IPP: variants seen among roughly 807,000 people sequenced by gnomAD.
IPP encodes actin-binding protein IPP.
IPP carries 41 observed loss-of-function variants against 64.1 expected under a neutral mutation model. The observed-to-expected ratio is 0.64, with a 90% confidence interval of 0.50 to 0.83. The LOEUF is 0.83. Ranked by LOEUF, IPP falls within the 40% of genes least tolerant of loss-of-function variation. The pLI is 0.00. For synonymous variants in IPP, 214 were observed against 235.2 expected (o/e 0.91, Z 0.83); for missense variants, 649 against 703.0 (o/e 0.92, Z 0.87).
chr1:45,714,147 A>C, intron 8 of IPP, 99 bp downstream of exon 8: 1 of 842,218 alleles, frequency 1.2e-6, no homozygotes, highest in Non-Finnish European at 1.9e-6. Flanking sequence ...AAAATCCACG[A>C]ATGATCAATA....
intron 3 of IPP, among the ~76,000 whole-genome samples, chr1:45,731,430 ACT>A (rs1483813184): frequency 2.6e-5 from 4 of 152,104 alleles, no homozygotes; most frequent in Admixed American, 6.5e-5. Flanking sequence ...ACAGAGTGAG[ACT>A]CTGTCTCAAA....
intron 3 of IPP, among the ~76,000 whole-genome samples, chr1:45,730,831 CTAA>C (rs1448719259): frequency 6.6e-6 from 1 of 152,168 alleles, no homozygotes; most frequent in East Asian, 1.9e-4. Context: ...AGAATTCTCA[CTAA>C]TAATAATTTG....
intron 8 of IPP, among the ~76,000 whole-genome samples, chr1:45,712,082 G>A (rs149816647): frequency 3.9e-5 from 6 of 152,050 alleles, no homozygotes; most frequent in South Asian, 4.2e-4. Context: ...TTGGAAGGCC[G>A]AGTCGGGTGG....
In IPP at chr1:45,741,404, T is replaced by TA. The variant is rs1240895977; in HGVS notation, c.293-73dup. ...TTGGCTTACCATATTCAAAAAGTATTATACTTGATTTCACTGATAGTTTGA... is the reference window on the plus strand; with the variant it reads ...TTGGCTTACCATATTCAAAAAGTATTAATACTTGATTTCACTGATAGTTTGA... On this transcript the variant is annotated intron_variant, in intron 2 of 8. Transcript: ENST00000396478. 3 of 1,043,938 alleles carry TA rather than the reference T, an allele frequency of 2.9e-6. No individual in the cohort carries two copies. The East Asian group carries it at 7.2e-5, about 25-fold the overall frequency. 64.7% of individuals were successfully genotyped at this position (1,043,938 alleles called of 1,614,324 possible).
chr1:45,700,908 T>C (rs1645442124), intron 8 of IPP, among the ~76,000 whole-genome samples: 1 of 152,206 alleles, frequency 6.6e-6, no homozygotes, highest in Admixed American at 6.5e-5. Flanking sequence ...TTAATGAGTC[T>C]TAAAAATGTC....
At chr1:45,712,865 GA>G (rs1185686636) in intron 8 of IPP, among the ~76,000 whole-genome samples, 1,423 of 120,840 alleles carry the variant, frequency 0.012, 11 homozygotes, top group Middle Eastern at 0.042. Context: ...AAAAAAAAAA[GA>G]AAAAAAAAAA....
At chr1:45,743,025 C>A (rs1570051205) in intron 2 of IPP, among the ~76,000 whole-genome samples, 1 of 151,930 alleles carries the variant, frequency 6.6e-6, no homozygotes, top group East Asian at 1.9e-4. Flanking sequence ...ACAACCAACA[C>A]CTCCTGGGTT....
At chr1:45,744,327 G>A (rs571305109) in intron 2 of IPP, among the ~76,000 whole-genome samples, 11 of 152,068 alleles carry the variant, frequency 7.2e-5, no homozygotes, top group Admixed American at 2.0e-4. Context: ...ACTATACATC[G>A]TTTTGGTGTG....
intron 5 of IPP, among the ~76,000 whole-genome samples, chr1:45,727,160 C>T (rs780436276): frequency 3.3e-5 from 5 of 152,094 alleles, no homozygotes; most frequent in Non-Finnish European, 5.9e-5. Flanking sequence ...AGCAATCTTC[C>T]CACATCATCC....
chr1:45,738,444 C>G (rs917735573), intron 3 of IPP, among the ~76,000 whole-genome samples: 2 of 151,834 alleles, frequency 1.3e-5, no homozygotes, highest in African/African-American at 4.8e-5. Context: ...GAGAAAATAC[C>G]TATGTTAGAT....
At chr1:45,719,871 G>A (rs1049930809) in intron 5 of IPP, among the ~76,000 whole-genome samples, 4 of 149,956 alleles carry the variant, frequency 2.7e-5, no homozygotes, top group Admixed American at 6.7e-5. Flanking sequence ...GACTACAGGC[G>A]CCTGCCACCG....
Position 45,699,433 on chromosome 1 carries a change from TTA to T in IPP, c.*531_*532del, listed in dbSNP as rs1432756120. On this transcript the variant is annotated 3_prime_UTR_variant, in exon 9 of 9. Coordinates refer to ENST00000396478, the MANE Select transcript of IPP (RefSeq NM_005897.3). ...ATCACATAAAGTTTTATGTTACAAT[TTA>T]TACTGCACTGGAGAAGTAGCTAAAG... 1 of 986,272 alleles carries T rather than the reference TTA, an allele frequency of 1.0e-6. No homozygotes were observed. Among genetic ancestry groups the T allele is most frequent in the Non-Finnish European group, 1.2e-6 (1 of 830,460 alleles). 61.1% of individuals were successfully genotyped at this position (986,272 alleles called of 1,614,324 possible).
intron 3 of IPP, among the ~76,000 whole-genome samples, chr1:45,739,781 A>G (rs888278404): frequency 6.6e-6 from 1 of 151,164 alleles, no homozygotes; most frequent in Non-Finnish European, 1.5e-5. Context: ...ATTTTCTCCA[A>G]GTGTTAGGTT....
At chr1:45,742,365 C>G (rs1352632939) in intron 2 of IPP, among the ~76,000 whole-genome samples, 1 of 151,914 alleles carries the variant, frequency 6.6e-6, no homozygotes, top group Admixed American at 6.6e-5. Flanking sequence ...CCTCTTGAAC[C>G]TAAAAGTTGG....
At chr1:45,725,921 A>T (rs528963727) in intron 5 of IPP, among the ~76,000 whole-genome samples, 1,484 of 132,190 alleles carry the variant, frequency 0.011, 19 homozygotes, top group African/African-American at 0.036. Context: ...ACCACTCCCT[A>T]ATCTCAAGTA....
At chr1:45,749,375 G>C (rs1302697653) in intron 1 of IPP, among the ~76,000 whole-genome samples, 2 of 152,152 alleles carry the variant, frequency 1.3e-5, no homozygotes, top group African/African-American at 4.8e-5. Flanking sequence ...ACAATTCTGT[G>C]ACGTTGCATG....
At chr1:45,719,772 C>CTG (rs1260430253) in intron 5 of IPP, among the ~76,000 whole-genome samples, 12 of 152,224 alleles carry the variant, frequency 7.9e-5, no homozygotes, top group African/African-American at 2.9e-4. Context: ...GTCGCCCAGG[C>CTG]TGGAGTGCAG....
intron 3 of IPP, among the ~76,000 whole-genome samples, chr1:45,739,967 C>CGGCCT (rs1553193497): frequency 6.6e-6 from 1 of 152,030 alleles, no homozygotes; most frequent in Non-Finnish European, 1.5e-5. Context: ...GAGGACCCTG[C>CGGCCT]GGCCTTCCGC....
At chr1:45,747,673 T>A (rs1474934561) in intron 1 of IPP, among the ~76,000 whole-genome samples, 1 of 151,294 alleles carries the variant, frequency 6.6e-6, no homozygotes, top group Non-Finnish European at 1.5e-5. Flanking sequence ...TCTAAAAATA[T>A]AAAAATTAGC....
Sources: gnomAD v4.1 joint callset for allele counts (sites outside exome capture counted in the v4.1 genomes callset) on GRCh38, gnomAD v4.1.1 for gene constraint, MANE v1.5 for transcripts, NCBI Gene and HGNC (gene_info 2026-07-23, HGNC 2026-07-21) for gene names.